Variants in MMP16 observed in about 807,000 individuals in gnomAD.
MMP16 encodes matrix metalloproteinase-16.
In MMP16, 12 loss-of-function variants were observed where a neutral mutation model predicts 67.8. The observed-to-expected ratio is 0.18, with a 90% CI of 0.11 to 0.29. The LOEUF is 0.29. Ranked by LOEUF, MMP16 falls within the 10% of genes least tolerant of loss-of-function variation. The pLI is 1.00. For synonymous variants in MMP16, 249 were observed against 255.9 expected (o/e 0.97, Z 0.26); for missense variants, 475 against 765.7 (o/e 0.62, Z 4.48).
chr8:88,264,063 G>A lies in MMP16; in HGVS notation c.132+63012C>T, dbSNP rs539698420. Among the ~76,000 whole-genome samples the A allele has an allele frequency of 6.4e-4, 28 of 43,624 alleles. 1 individual carries two copies. The highest frequency in any genetic ancestry group is 2.1e-3 in the African/African-American group (27 of 12,702). 28.6% of individuals were successfully genotyped at this position (43,624 alleles called of 152,430 possible). ...ATATATATATATATATATAGGGAGAGAGAGAGTGTGTGTGTGTGTGTGTGT... is the reference window on the plus strand; with the variant it reads ...ATATATATATATATATATAGGGAGAAAGAGAGTGTGTGTGTGTGTGTGTGT... On this transcript the variant is annotated intron_variant, in intron 1 of 9. Transcript: ENST00000286614.
intron 6 of MMP16, among the ~76,000 whole-genome samples, chr8:88,080,074 G>T (rs543470173): frequency 3.9e-4 from 59 of 152,294 alleles, no homozygotes; most frequent in South Asian, 1.4e-3. Flanking sequence ...CATGGTATTT[G>T]TGACGTCATT....
At chr8:88,213,406 G>A (rs6469299) in intron 1 of MMP16, among the ~76,000 whole-genome samples, 12,543 of 151,962 alleles carry the variant, frequency 0.083, 1,186 homozygotes, top group African/African-American at 0.24. Context: ...ATATTCTACC[G>A]TATTCAATAT....
chr8:88,325,319 C>T (rs190119031), intron 1 of MMP16, among the ~76,000 whole-genome samples: 25 of 152,238 alleles, frequency 1.6e-4, no homozygotes. Flanking sequence ...CATCAAAACT[C>T]ATGTTATCCT....
chr8:88,275,100 C>T (rs1810625328), intron 1 of MMP16, among the ~76,000 whole-genome samples: 1 of 151,950 alleles, frequency 6.6e-6, no homozygotes, highest in Admixed American at 6.6e-5. Flanking sequence ...CCAGACATTA[C>T]ACTTGAGAGG....
At chr8:88,301,805 A>G (rs574694639) in intron 1 of MMP16, among the ~76,000 whole-genome samples, 3 of 152,240 alleles carry the variant, frequency 2.0e-5, no homozygotes, top group Non-Finnish European at 4.4e-5. Flanking sequence ...CCTAATATTC[A>G]CTTTTGCCCC....
intron 1 of MMP16, among the ~76,000 whole-genome samples, chr8:88,286,218 A>G (rs943843392): frequency 1.3e-5 from 2 of 152,002 alleles, no homozygotes; most frequent in Non-Finnish European, 2.9e-5. Flanking sequence ...TATCCTGTCC[A>G]TGTTCTTTTG....
chr8:88,059,643 T>A (rs1808372510), intron 7 of MMP16, among the ~76,000 whole-genome samples: 1 of 152,112 alleles, frequency 6.6e-6, no homozygotes, highest in African/African-American at 2.4e-5. Context: ...TGAAGGCTGT[T>A]CTTTTTACCA....
intron 1 of MMP16, among the ~76,000 whole-genome samples, chr8:88,282,290 G>T (rs2129996977): frequency 6.6e-6 from 1 of 152,212 alleles, no homozygotes; most frequent in African/African-American, 2.4e-5. Context: ...GGTCAAGCTG[G>T]CCTCGAACTC....
intron 1 of MMP16, among the ~76,000 whole-genome samples, chr8:88,275,880 T>C (rs1810641981): frequency 6.6e-6 from 1 of 151,946 alleles, no homozygotes; most frequent in African/African-American, 2.4e-5. Flanking sequence ...GGAATCCAAT[T>C]TTTTTAGCCT....
intron 8 of MMP16, among the ~76,000 whole-genome samples, chr8:88,047,161 T>C (rs1808209780): frequency 1.3e-5 from 2 of 152,216 alleles, no homozygotes. Flanking sequence ...GAGGTTTTCA[T>C]GAGTTTTTAA....
intron 6 of MMP16, among the ~76,000 whole-genome samples, chr8:88,079,283 A>T (rs1808705918): frequency 6.6e-6 from 1 of 152,194 alleles, no homozygotes; most frequent in Non-Finnish European, 1.5e-5. Context: ...AGATAAGTCC[A>T]GCATAATAAG....
At chr8:88,326,083 AATTCGTTTGAGAGTTCAGAGGAC>A (rs1354653482) in intron 1 of MMP16, among the ~76,000 whole-genome samples, 86 of 152,306 alleles carry the variant, frequency 5.6e-4, no homozygotes, top group African/African-American at 1.9e-3. Context: ...AATTATTCAT[AATTCGTTTGAGAGTTCAGAGGAC>A]ATCAGATCTA....
At chr8:88,046,441 T>A (rs1233572798) in intron 9 of MMP16, among the ~76,000 whole-genome samples, 2 of 152,194 alleles carry the variant, frequency 1.3e-5, no homozygotes, top group Admixed American at 6.5e-5. Context: ...ATTAAACTAT[T>A]ACTTGTCTTT....
intron 4 of MMP16, among the ~76,000 whole-genome samples, chr8:88,153,745 C>T (rs983895193): frequency 1.3e-5 from 2 of 149,224 alleles, no homozygotes; most frequent in Non-Finnish European, 3.0e-5. Context: ...AAACGTTAGA[C>T]CTAAAACCAT....
At chr8:88,171,725 A>G (rs2129713267) in intron 3 of MMP16, among the ~76,000 whole-genome samples, 1 of 152,316 alleles carries the variant, frequency 6.6e-6, no homozygotes, top group Admixed American at 6.5e-5. Context: ...CAGTGGTCTT[A>G]CTCGAATTAA....
intron 6 of MMP16, among the ~76,000 whole-genome samples, chr8:88,102,669 GC>G (rs1266040577): frequency 7.5e-4 from 114 of 151,834 alleles, no homozygotes; most frequent in Non-Finnish European, 4.4e-5. Flanking sequence ...CCAGTGGCCA[GC>G]CCCCATCCTG....
intron 1 of MMP16, among the ~76,000 whole-genome samples, chr8:88,240,102 A>C (rs1256896349): frequency 2.6e-5 from 4 of 152,156 alleles, no homozygotes; most frequent in Non-Finnish European, 5.9e-5. Context: ...GAAAGGAGTC[A>C]ACTTACGCAA....
chr8:88,256,164 C>A (rs1810297677), intron 1 of MMP16, among the ~76,000 whole-genome samples: 1 of 152,022 alleles, frequency 6.6e-6, no homozygotes, highest in Admixed American at 6.6e-5. Context: ...CATTCTAAGC[C>A]AAGTTTATAA....
intron 1 of MMP16, among the ~76,000 whole-genome samples, chr8:88,239,414 T>C (rs1028528673): frequency 6.6e-6 from 1 of 151,864 alleles, no homozygotes; most frequent in African/African-American, 2.4e-5. Context: ...GAAATAAATA[T>C]GAATCATGTT....
Sources: allele counts gnomAD v4.1 joint callset (sites outside exome capture counted in the v4.1 genomes callset), GRCh38; gene constraint gnomAD v4.1.1; transcripts MANE v1.5; gene names NCBI Gene and HGNC (gene_info 2026-07-23, HGNC 2026-07-21).